LRIG1: variants seen among roughly 807,000 people sequenced by gnomAD.
The protein encoded by LRIG1 is leucine-rich repeats and immunoglobulin-like domains protein 1.
LRIG1 carries 48 observed loss-of-function variants against 99.2 expected under a neutral mutation model. The ratio of observed to expected loss-of-function variants is 0.48; its 90% CI spans 0.38 to 0.62. The LOEUF (loss-of-function observed/expected upper bound fraction) is 0.62, where lower values mean the gene tolerates loss of function less well. Ranked by LOEUF, LRIG1 falls within the 20% of genes least tolerant of loss-of-function variation. The pLI is 0.00. For missense variants in LRIG1, 1,646 were observed against 1,434.4 expected, an observed-to-expected ratio of 1.15 and a Z score of -2.38; for synonymous variants, 772 against 596.1, an observed-to-expected ratio of 1.29 and a Z score of -4.30.
chr3:66,461,139 C>T (rs1401201721), intron 2 of LRIG1, among the ~76,000 whole-genome samples: 1 of 152,052 alleles, frequency 6.6e-6, no homozygotes, highest in Non-Finnish European at 1.5e-5. Context: ...GGCGGAACAC[C>T]ATCTCTACTA....
rs368800190 is a variant in LRIG1, at chr3:66,405,151, T to A, written c.1160+47A>T. On this transcript the variant is annotated intron_variant, in intron 9 of 18. Transcript: ENST00000273261. ...GCCACAGAAACATCTCCCACCCAAG[T>A]GTGTCCCGCGCATTTGCCGGCGGAG... 13 of 1,543,676 alleles carry A rather than the reference T, an allele frequency of 8.4e-6. No homozygotes were observed. In the African/African-American group the frequency reaches 1.8e-4, roughly 21 times the overall value.
chr3:66,411,698 A>C (rs1182691491), intron 6 of LRIG1, among the ~76,000 whole-genome samples: 1 of 152,182 alleles, frequency 6.6e-6, no homozygotes, highest in Non-Finnish European at 1.5e-5. Context: ...GAAAACCAGT[A>C]AAGGACATTC....
chr3:66,411,200 A>G (rs1230172220), intron 6 of LRIG1, among the ~76,000 whole-genome samples: 1 of 152,230 alleles, frequency 6.6e-6, no homozygotes, highest in African/African-American at 2.4e-5. Context: ...CAGCCCAGGC[A>G]ACCGCCTCTT....
chr3:66,413,319 C>T (rs1294804972), intron 5 of LRIG1, among the ~76,000 whole-genome samples: 1 of 152,214 alleles, frequency 6.6e-6, no homozygotes, highest in African/African-American at 2.4e-5. Flanking sequence ...TCTCCTCCCC[C>T]AGTAGCACCA....
intron 12 of LRIG1, among the ~76,000 whole-genome samples, chr3:66,390,489 G>A (rs936661576): frequency 6.6e-6 from 1 of 152,188 alleles, no homozygotes; most frequent in African/African-American, 2.4e-5. Flanking sequence ...AGGGTGGACA[G>A]CCCATCTTCA....
At chr3:66,415,521 G>C (rs890164550) in intron 4 of LRIG1, among the ~76,000 whole-genome samples, 5 of 152,156 alleles carry the variant, frequency 3.3e-5, no homozygotes, top group African/African-American at 1.2e-4. Flanking sequence ...TTTTGAGGTG[G>C]GTCTTGCTAT....
chr3:66,466,078 C>A (rs1036095333), intron 1 of LRIG1, among the ~76,000 whole-genome samples: 1 of 152,184 alleles, frequency 6.6e-6, no homozygotes, highest in African/African-American at 2.4e-5. Context: ...GTCACCCAGG[C>A]TGGAATGCAG....
intron 1 of LRIG1, among the ~76,000 whole-genome samples, chr3:66,470,677 A>G (rs961664732): frequency 2.0e-5 from 3 of 152,180 alleles, no homozygotes; most frequent in Admixed American, 6.5e-5. Context: ...TGATTTCCAT[A>G]AGAACAGAGT....
At position 66,380,282 on chromosome 3, in the gene LRIG1, A is replaced by G. The variant is rs1216625826; in HGVS notation, c.3263T>C (p.Leu1088Pro). Residue 1088 changes from leucine (L) to proline (P), a missense_variant, in exon 19 of 19, where the codon CTG (leucine) becomes CCG (proline). Leu to Pro is a moderately conservative substitution (Grantham distance 98, BLOSUM62 -3). Coordinates refer to ENST00000273261, the MANE Select transcript of LRIG1 (RefSeq NM_015541.3). ...CAAAACCTAGCTTTTTGGTGCCAAC[A>G]GCAGTGGCACCCTCTGTTTCCCGGG... ...QLPGKQRVPL[L>P]LAPKS is the part of the protein sequence containing the mutation. The G allele has an allele frequency of 6.2e-7, 1 of 1,612,678 alleles. No individual in the cohort carries two copies. Among genetic ancestry groups the G allele is most frequent in the Non-Finnish European group, 8.5e-7 (1 of 1,178,954 alleles).
intron 14 of LRIG1, 51 bp downstream of exon 14, chr3:66,383,940 T>C (rs753970997): frequency 7.8e-7 from 1 of 1,279,990 alleles, no homozygotes; most frequent in Non-Finnish European, 1.0e-6. Flanking sequence ...AGAGTCTCTC[T>C]CTCTCGCTCA....
At chr3:66,442,717 G>T (rs1416695140) in intron 3 of LRIG1, among the ~76,000 whole-genome samples, 1 of 152,070 alleles carries the variant, frequency 6.6e-6, no homozygotes, top group Non-Finnish European at 1.5e-5. Context: ...AGCTTGCATG[G>T]TCATCAGGAA....
intron 1 of LRIG1, among the ~76,000 whole-genome samples, chr3:66,493,140 C>T (rs1249553698): frequency 6.6e-6 from 1 of 152,166 alleles, no homozygotes; most frequent in Non-Finnish European, 1.5e-5. Context: ...TTCAGTTAGC[C>T]CTAAAGTCTG....
chr3:66,442,533 G>C (rs937429004), intron 3 of LRIG1, among the ~76,000 whole-genome samples: 1 of 152,000 alleles, frequency 6.6e-6, no homozygotes, highest in South Asian at 2.1e-4. Flanking sequence ...CCTTTCACAC[G>C]GGAGATTGTG....
In LRIG1 at chr3:66,500,145, G is replaced by A. The variant is rs373950911; in HGVS notation, c.218+45C>T. On this transcript the variant is annotated intron_variant, in intron 1 of 18. Coordinates refer to ENST00000273261, the MANE Select transcript of LRIG1 (RefSeq NM_015541.3). ...AACCCCCGCCGCTCCATCCCCAAGT[G>A]ACAGAGCCCCGGGGCGCAGAGAGGG... is the stretch of plus-strand genomic sequence containing the variant. The A allele has an allele frequency of 6.1e-4, 887 of 1,456,520 alleles. 6 individuals carry two copies. In the East Asian group the frequency reaches 0.019, roughly 31 times the overall value. 90.2% of individuals were successfully genotyped at this position (1,456,520 alleles called of 1,614,324 possible).
rs1700841396 is a variant in LRIG1, at chr3:66,378,804, T to TATAAATGAACCTTTATTAAA, written c.*1439_*1458dup. 6.6e-6 allele frequency: 1 copy of TATAAATGAACCTTTATTAAA among 152,644 alleles called. No individual in the cohort carries two copies. The allele number at this position is 152,644 out of a possible 1,614,324, so 9.5% of individuals were successfully genotyped here. On this transcript the variant is annotated 3_prime_UTR_variant, in exon 19 of 19. Transcript: ENST00000273261. ...AAGGACCACCAACTATACTGACATT[T>TATAAATGAACCTTTATTAAA]ATAAATGAACCTTTATTAAAGACAC...
At position 66,500,718 on chromosome 3, in the gene LRIG1, G is replaced by A; in HGVS notation, c.-311C>T. On this transcript the variant is annotated 5_prime_UTR_variant, in exon 1 of 19. Coordinates refer to ENST00000273261, the MANE Select transcript of LRIG1 (RefSeq NM_015541.3). ...AGCCTGCGCTCTTCGTCCGCCCGGGGCACGCCGAGTGCCGCTACCGACACC... is the reference window on the plus strand; with the variant it reads ...AGCCTGCGCTCTTCGTCCGCCCGGGACACGCCGAGTGCCGCTACCGACACC... The A allele has an allele frequency of 4.8e-6, 1 of 209,646 alleles. No homozygotes were observed. Among genetic ancestry groups the A allele is most frequent in the Non-Finnish European group, 9.5e-6 (1 of 105,782 alleles). 13.0% of individuals were successfully genotyped at this position (209,646 alleles called of 1,614,324 possible).
Position 66,393,960 on chromosome 3 carries a change from A to T in LRIG1, c.1468+80T>A, listed in dbSNP as rs1184000834. ...GGCTGGGGTTTACTCTGATCACAGG[A>T]ATTACTCCCATAATGAAGAGTACCT... On this transcript the variant is annotated intron_variant, in intron 12 of 18. Coordinates refer to ENST00000273261, the MANE Select transcript of LRIG1 (RefSeq NM_015541.3). 4 of 1,457,942 alleles carry T rather than the reference A, an allele frequency of 2.7e-6. No individual in the cohort carries two copies. In the South Asian group the frequency reaches 3.6e-5, roughly 13 times the overall value. The allele number at this position is 1,457,942 out of a possible 1,614,324, so 90.3% of individuals were successfully genotyped here.
intron 1 of LRIG1, among the ~76,000 whole-genome samples, chr3:66,494,725 C>T (rs557544118): frequency 1.3e-5 from 2 of 152,300 alleles, no homozygotes; most frequent in South Asian, 2.1e-4. Context: ...AGCATACCCA[C>T]CACCCCCTAC....
At chr3:66,442,048 CA>C (rs2106779844) in intron 3 of LRIG1, among the ~76,000 whole-genome samples, 1 of 152,260 alleles carries the variant, frequency 6.6e-6, no homozygotes, top group Admixed American at 6.5e-5. Context: ...TTTTTCTTCT[CA>C]AAAGGCTGAA....
Sources: gnomAD v4.1 joint callset for allele counts (sites outside exome capture counted in the v4.1 genomes callset) on GRCh38, gnomAD v4.1.1 for gene constraint, MANE v1.5 for transcripts, NCBI Gene and HGNC (gene_info 2026-07-23, HGNC 2026-07-21) for gene names.